The following SATB1 variants were observed in gnomAD, a reference collection of about 807,000 sequenced individuals.
SATB1 encodes the protein DNA-binding protein SATB1.
Under a neutral mutation model 86.9 loss-of-function variants are expected in SATB1, and 11 were observed. The observed-to-expected ratio is 0.13, with a 90% CI of 0.08 to 0.21. SATB1 has a LOEUF of 0.21. Ranked by LOEUF, SATB1 falls within the 10% of genes least tolerant of loss-of-function variation. The pLI, the probability that SATB1 is intolerant of heterozygous loss-of-function variation, is 1.00. For missense variants in SATB1, 551 were observed against 937.6 expected, an observed-to-expected ratio of 0.59 and a Z score of 5.39; for synonymous variants, 357 against 357.2, an observed-to-expected ratio of 1.00 and a Z score of 0.01.
At chr3:18,393,607 G>A (rs1196589013) in intron 7 of SATB1, among the ~76,000 whole-genome samples, 1 of 152,164 alleles carries the variant, frequency 6.6e-6, no homozygotes, top group Non-Finnish European at 1.5e-5. Flanking sequence ...GTGCACATTA[G>A]GGGTATAAGC....
chr3:18,349,920 T>A lies in SATB1; in HGVS notation c.1780-238A>T. The A allele has an allele frequency of 1.7e-6, 1 of 601,472 alleles. No individual in the cohort carries two copies. The highest frequency in any genetic ancestry group is 3.5e-5 in the Admixed American group (1 of 28,624). 37.3% of individuals were successfully genotyped at this position (601,472 alleles called of 1,614,324 possible). A position where few individuals can be genotyped will look rare whatever the true frequency, so the allele number is the denominator to read the frequency against. On this transcript the variant is annotated intron_variant, in intron 10 of 10. Transcript: ENST00000338745. The surrounding 1 kb of genome is among the most constrained non-coding windows in gnomAD (Gnocchi z 5.5). ...TTTGGGGGGCTACTGCACTTACTTA[T>A]CAGAGATCAGCAGAGGAAGTGAAAA...
chr3:18,406,520 A>G (rs1697544657), intron 5 of SATB1, among the ~76,000 whole-genome samples: 1 of 152,010 alleles, frequency 6.6e-6, no homozygotes, highest in Non-Finnish European at 1.5e-5. Context: ...TACATGTACA[A>G]TTGTGGAAGA....
intron 9 of SATB1, among the ~76,000 whole-genome samples, chr3:18,362,878 A>AC (rs1694983353): frequency 6.7e-6 from 1 of 148,208 alleles, no homozygotes; most frequent in African/African-American, 2.5e-5. Context: ...AAAAAAAAAA[A>AC]AAACCAAAAC....
At chr3:18,445,100 G>C (rs866415004) in intron 1 of SATB1, 1 of 566,546 alleles carries the variant, frequency 1.8e-6, no homozygotes. Flanking sequence ...CGGGCACGCT[G>C]CGCCCGGGGG....
At chr3:18,438,278 C>T (rs9284845) in intron 1 of SATB1, among the ~76,000 whole-genome samples, 149,883 of 152,292 alleles carry the variant, frequency 0.98, 73,766 homozygotes, top group East Asian at 1. Flanking sequence ...TCCAGGAAAA[C>T]TGCATCTAAA....
chr3:18,376,580 G>A (rs980781415), intron 9 of SATB1, among the ~76,000 whole-genome samples: 2 of 138,144 alleles, frequency 1.4e-5, no homozygotes, highest in East Asian at 2.0e-4. Context: ...GCAAGTAGGT[G>A]GGGGGGGGGA....
In SATB1 at chr3:18,349,491, T is replaced by C; in HGVS notation, c.1971A>G (p.Gly657=). 1 of 1,614,184 alleles carries C rather than the reference T, an allele frequency of 6.2e-7. No homozygotes were observed. Among genetic ancestry groups the C allele is most frequent in the East Asian group, 2.2e-5 (1 of 44,878 alleles). Reference sequence around the variant, plus strand: ...CGTCTTGTATGAAACTCTGGAGGATTCCCAAGGCTTCCACTGAAATTTTTG... The same window carrying C: ...CGTCTTGTATGAAACTCTGGAGGATCCCCAAGGCTTCCACTGAAATTTTTG... ...PRTKISVEAL[G]ILQSFIQDVG... Residue 657 remains glycine, a synonymous_variant, in exon 11 of 11, where the codon GGA becomes GGG. Transcript: ENST00000338745. The surrounding 1 kb of genome is among the most constrained non-coding windows in gnomAD (Gnocchi z 5.5).
At chr3:18,410,899 T>C (rs1697802290) in intron 5 of SATB1, 1 of 386,102 alleles carries the variant, frequency 2.6e-6, no homozygotes, top group Non-Finnish European at 4.6e-6. Context: ...GAACATCAAC[T>C]AAACACCTAA....
chr3:18,374,366 A>G (rs894241429), intron 9 of SATB1, among the ~76,000 whole-genome samples: 4 of 152,166 alleles, frequency 2.6e-5, no homozygotes, highest in African/African-American at 9.6e-5. Context: ...ATTTTTTTAA[A>G]CAGTAAAATT....
At chr3:18,445,443 G>A (rs898629556) in intron 1 of SATB1, 8 of 985,272 alleles carry the variant, frequency 8.1e-6, no homozygotes, top group Non-Finnish European at 9.6e-6. Context: ...GCCTCGAGGG[G>A]TAAGTGTGGG....
At chr3:18,367,432 G>A (rs1031324399) in intron 9 of SATB1, among the ~76,000 whole-genome samples, 2 of 152,146 alleles carry the variant, frequency 1.3e-5, no homozygotes, top group African/African-American at 4.8e-5. Flanking sequence ...AGATATGAGA[G>A]CACTGAAGAA....
intron 3 of SATB1, 140 bp downstream of exon 3, chr3:18,416,762 A>G: frequency 2.4e-6 from 2 of 832,834 alleles, no homozygotes; most frequent in South Asian, 2.3e-5. Flanking sequence ...AATTAAGCCA[A>G]TTTTTTAAAG....
chr3:18,435,291 C>T (rs1450604289), intron 2 of SATB1: 1 of 151,804 alleles, frequency 6.6e-6, no homozygotes, highest in Non-Finnish European at 1.5e-5. Context: ...GAAAATGTGT[C>T]AACAATAAAC....
intron 7 of SATB1, among the ~76,000 whole-genome samples, chr3:18,388,325 CAAAAAAAAAAAGTT>C (rs1559424094): frequency 6.9e-6 from 1 of 144,300 alleles, no homozygotes; most frequent in Non-Finnish European, 1.5e-5. Context: ...ATTCAGGTCT[CAAAAAAAAAAAGTT>C]TGAAAATAGG....
chr3:18,366,564 CA>C (rs1447338053), intron 9 of SATB1, among the ~76,000 whole-genome samples: 1 of 152,092 alleles, frequency 6.6e-6, no homozygotes, highest in Non-Finnish European at 1.5e-5. Flanking sequence ...TAGCAACCTT[CA>C]AATCATATCA....
At chr3:18,407,738 A>C (rs1261283289) in intron 5 of SATB1, among the ~76,000 whole-genome samples, 1 of 152,006 alleles carries the variant, frequency 6.6e-6, no homozygotes, top group Non-Finnish European at 1.5e-5. Flanking sequence ...AAACAAAAAC[A>C]CACAAAAAGT....
At chr3:18,414,376 T>C (rs1356090692) in intron 5 of SATB1, among the ~76,000 whole-genome samples, 2 of 152,048 alleles carry the variant, frequency 1.3e-5, no homozygotes, top group Non-Finnish European at 2.9e-5. Context: ...TATAAGCAGG[T>C]AGGCAGTCTC....
chr3:18,420,250 A>G (rs1423382541), intron 2 of SATB1, among the ~76,000 whole-genome samples: 1 of 152,222 alleles, frequency 6.6e-6, no homozygotes, highest in Non-Finnish European at 1.5e-5. Context: ...AAAAACTAGA[A>G]TCATCAGATT....
At chr3:18,421,049 T>A in intron 1 of SATB1, 58 bp from the exon 2 acceptor site, 1 of 1,148,168 alleles carries the variant, frequency 8.7e-7, no homozygotes, top group South Asian at 1.3e-5. Flanking sequence ...CGTGTATATA[T>A]GTGTCCTATG....
Sources: gnomAD v4.1 joint callset for allele counts (sites outside exome capture counted in the v4.1 genomes callset) on GRCh38, gnomAD v4.1.1 for gene constraint, Gnocchi (gnomAD v3.1) non-coding constraint, MANE v1.5 for transcripts, NCBI Gene and HGNC (gene_info 2026-07-23, HGNC 2026-07-21) for gene names.